The following MYO1E variants were observed in gnomAD, a reference collection of about 807,000 sequenced individuals.
MYO1E encodes unconventional myosin-Ie.
Under a neutral mutation model 151.1 loss-of-function variants are expected in MYO1E, and 68 were observed. The observed-to-expected ratio is 0.45, with a 90% confidence interval of 0.37 to 0.55. MYO1E has a LOEUF of 0.55. MYO1E is among the 20% of genes least tolerant of loss of function. The probability of loss-of-function intolerance (pLI) is 0.00; values close to 1 mark genes in which losing one functional copy is unlikely to be tolerated. For synonymous variants in MYO1E, 601 were observed against 501.7 expected, an observed-to-expected ratio of 1.20 and a Z score of -2.64; for missense variants, 1,363 against 1,389.3, an observed-to-expected ratio of 0.98 and a Z score of 0.30.
intron 12 of MYO1E, chr15:59,212,927 G>C (rs2079888784): frequency 6.6e-6 from 1 of 151,118 alleles, no homozygotes; most frequent in Non-Finnish European, 1.5e-5. Context: ...CCAGAAACTA[G>C]AAGAGGAAGG....
intron 1 of MYO1E, among the ~76,000 whole-genome samples, chr15:59,309,857 T>C (rs1305191760): frequency 6.6e-6 from 1 of 152,170 alleles, no homozygotes; most frequent in African/African-American, 2.4e-5. Flanking sequence ...CCTTCGTATA[T>C]ACTGATAGGG....
At chr15:59,184,791 T>A (rs1266620265) in intron 18 of MYO1E, among the ~76,000 whole-genome samples, 1 of 152,236 alleles carries the variant, frequency 6.6e-6, no homozygotes, top group Non-Finnish European at 1.5e-5. Context: ...TTCCTTTCTT[T>A]TGGCTCCATA....
intron 1 of MYO1E, among the ~76,000 whole-genome samples, chr15:59,314,818 G>T (rs2080576040): frequency 6.6e-6 from 1 of 152,142 alleles, no homozygotes. Context: ...CAGTGTCAAT[G>T]TTGTAAAACC....
intron 1 of MYO1E, among the ~76,000 whole-genome samples, chr15:59,336,891 G>T (rs1303884960): frequency 2.0e-5 from 3 of 152,048 alleles, no homozygotes; most frequent in Non-Finnish European, 4.4e-5. Flanking sequence ...ACGGTTTCCA[G>T]CTTCATCCAT....
chr15:59,256,600 C>T (rs558092322), intron 3 of MYO1E, among the ~76,000 whole-genome samples: 31 of 152,164 alleles, frequency 2.0e-4, no homozygotes, highest in Non-Finnish European at 3.8e-4. Context: ...AAAATTAAGA[C>T]GGAATTTGGA....
At chr15:59,146,520 G>T (rs1162507174) in intron 26 of MYO1E, among the ~76,000 whole-genome samples, 5 of 152,034 alleles carry the variant, frequency 3.3e-5, no homozygotes, top group African/African-American at 7.2e-5. Context: ...TTCACATGTT[G>T]GTCAGCCTGG....
At chr15:59,331,219 C>G (rs987625869) in intron 1 of MYO1E, among the ~76,000 whole-genome samples, 1 of 152,112 alleles carries the variant, frequency 6.6e-6, no homozygotes, top group Non-Finnish European at 1.5e-5. Context: ...TTTTGCTAAA[C>G]CGATGTAGGA....
chr15:59,155,663 TATG>T (rs1339965152), intron 25 of MYO1E, among the ~76,000 whole-genome samples: 4 of 152,180 alleles, frequency 2.6e-5, no homozygotes, highest in Non-Finnish European at 5.9e-5. Flanking sequence ...CACGCAGTAA[TATG>T]ATACTACAGT....
At chr15:59,270,644 C>CTT (rs112461375) in intron 2 of MYO1E, among the ~76,000 whole-genome samples, 1 of 145,444 alleles carries the variant, frequency 6.9e-6, no homozygotes, top group Admixed American at 6.8e-5. Flanking sequence ...AATAAATTCA[C>CTT]TTTTTTTTTT....
intron 26 of MYO1E, among the ~76,000 whole-genome samples, chr15:59,149,046 T>G (rs4775117): frequency 0.44 from 53,217 of 121,414 alleles, 9,900 homozygotes; most frequent in Admixed American, 0.52. Flanking sequence ...CTGTTTTTTT[T>G]TTTTTGTTTT....
chr15:59,177,359 C>T (rs559080720), intron 19 of MYO1E, among the ~76,000 whole-genome samples: 17 of 152,180 alleles, frequency 1.1e-4, no homozygotes, highest in South Asian at 4.2e-4. Context: ...GCTGATCCTA[C>T]GAGGCAGGCA....
intron 26 of MYO1E, among the ~76,000 whole-genome samples, chr15:59,141,608 G>T (rs940235290): frequency 1.3e-5 from 2 of 152,128 alleles, no homozygotes; most frequent in African/African-American, 4.8e-5. Flanking sequence ...AGACCAGCCT[G>T]GCCAACATGG....
chr15:59,202,533 C>G lies in MYO1E; in HGVS notation c.1617-126G>C, dbSNP rs370032069. The G allele has an allele frequency of 3.3e-5, 28 of 839,726 alleles. 1 individual carries two copies. Among genetic ancestry groups the G allele is most frequent in the Middle Eastern group, 2.9e-4 (1 of 3,460 alleles). The allele number at this position is 839,726 out of a possible 1,614,324, so 52.0% of individuals were successfully genotyped here. ...ATAACCTTGGCTACAGAAAAGCCATCTGACTCACAGCGCGGGCCATCAAGA... is the reference window on the plus strand; with the variant it reads ...ATAACCTTGGCTACAGAAAAGCCATGTGACTCACAGCGCGGGCCATCAAGA... On this transcript the variant is annotated intron_variant, in intron 15 of 27. Coordinates refer to ENST00000288235, the MANE Select transcript of MYO1E (RefSeq NM_004998.4).
intron 19 of MYO1E, among the ~76,000 whole-genome samples, chr15:59,175,646 C>T (rs766350027): frequency 6.6e-6 from 1 of 152,150 alleles, no homozygotes; most frequent in Non-Finnish European, 1.5e-5. Context: ...AAATCTGAGC[C>T]CTGCAGTTGC....
At chr15:59,325,691 A>C (rs1182673154) in intron 1 of MYO1E, among the ~76,000 whole-genome samples, 1 of 152,246 alleles carries the variant, frequency 6.6e-6, no homozygotes, top group Non-Finnish European at 1.5e-5. Flanking sequence ...TAAATTAGTT[A>C]AGATTAAACC....
At chr15:59,153,026 C>T (rs139465089) in intron 26 of MYO1E, among the ~76,000 whole-genome samples, 177 of 152,052 alleles carry the variant, frequency 1.2e-3, no homozygotes, top group Non-Finnish European at 2.0e-3. Flanking sequence ...AAACTGATAG[C>T]TCTTTTAATA....
chr15:59,166,481 T>TC (rs1277106279), intron 22 of MYO1E, among the ~76,000 whole-genome samples: 2 of 152,146 alleles, frequency 1.3e-5, no homozygotes, highest in Non-Finnish European at 2.9e-5. Context: ...TCTGTTTTAC[T>TC]CTCTTCACCA....
At chr15:59,308,890 T>C (rs2080532667) in intron 1 of MYO1E, among the ~76,000 whole-genome samples, 1 of 151,844 alleles carries the variant, frequency 6.6e-6, no homozygotes, top group South Asian at 2.1e-4. Flanking sequence ...TTATTATATA[T>C]TTATATTTTA....
In MYO1E at chr15:59,159,358, C is replaced by T. The variant is rs1428164253; in HGVS notation, c.2786-979G>A. On this transcript the variant is annotated intron_variant, in intron 24 of 27. Transcript: ENST00000288235. The surrounding 1 kb of genome is among the most constrained non-coding windows in gnomAD (Gnocchi z 4.4). ...ACAAACATAGCCTGCTGGTTATTTG[C>T]AGCCTTTCTTTGCCCGGCTCTGTGC... is the stretch of plus-strand genomic sequence containing the variant. Among the ~76,000 whole-genome samples, 3 of 152,256 alleles carry T rather than the reference C, an allele frequency of 2.0e-5. No homozygotes were observed. Among genetic ancestry groups the T allele is most frequent in the Admixed American group, 2.0e-4 (3 of 15,290 alleles).
Sources: allele counts gnomAD v4.1 joint callset (sites outside exome capture counted in the v4.1 genomes callset), GRCh38; gene constraint gnomAD v4.1.1; non-coding constraint Gnocchi (gnomAD v3.1); transcripts MANE v1.5; gene names NCBI Gene and HGNC (gene_info 2026-07-23, HGNC 2026-07-21).